Variants in PCDHGB7 observed in about 807,000 individuals in gnomAD.
The protein encoded by PCDHGB7 is protocadherin gamma subfamily B, 7.
PCDHGB7 carries 37 observed loss-of-function variants against 61.4 expected under a neutral mutation model. The observed-to-expected ratio is 0.60, with a 90% CI of 0.46 to 0.79. PCDHGB7 has a LOEUF of 0.79. PCDHGB7 is among the 30% of genes least tolerant of loss of function. PCDHGB7 has a pLI of 0.00. For synonymous variants in PCDHGB7, 464 were observed against 503.5 expected (o/e 0.92, Z 1.05); for missense variants, 1,166 against 1,202.5 (o/e 0.97, Z 0.45).
chr5:141,493,908 G>A lies in PCDHGB7; in HGVS notation c.2416-899G>A, dbSNP rs1308946115. ...CTAGGAGTGCTCCATGAGAGTGTGT[G>A]ATGGGATAACACACCCCCTGGAAAG... On this transcript the variant is annotated intron_variant, in intron 1 of 3. Transcript: ENST00000398594. This position sits in a 1 kb window ranked among gnomAD's most constrained non-coding sequence, Gnocchi z 4.3. Among the ~76,000 whole-genome samples the A allele has an allele frequency of 6.6e-6, 1 of 152,208 alleles. No homozygotes were observed. The highest frequency in any genetic ancestry group is 1.5e-5 in the Non-Finnish European group (1 of 68,032).
At position 141,485,685 on chromosome 5, in the gene PCDHGB7, G is replaced by A; in HGVS notation, c.2416-9122G>A. ...GGGAGCAATTCGATTAGCAGCTATA[G>A]GCTGAGCTCCAATGAACACTTTGCA... On this transcript the variant is annotated intron_variant, in intron 1 of 3. Coordinates refer to ENST00000398594, the MANE Select transcript of PCDHGB7 (RefSeq NM_018927.4). This position sits in a 1 kb window ranked among gnomAD's most constrained non-coding sequence, Gnocchi z 5.7. 1.2e-6 allele frequency: 2 copies of A among 1,614,052 alleles called. No homozygotes were observed. The highest frequency in any genetic ancestry group is 1.3e-5 in the African/African-American group (1 of 75,072).
intron 1 of PCDHGB7, among the ~76,000 whole-genome samples, chr5:141,457,975 C>T (rs2098934043): frequency 6.6e-6 from 1 of 152,202 alleles, no homozygotes; most frequent in South Asian, 2.1e-4. Context: ...AAGGGAAACA[C>T]ACCCTTTCAG....
rs752071139 is a variant in PCDHGB7 at position 141,422,722 on chromosome 5, G to A, written c.2415+2448G>A. ...CTCTCTGACGGATGACACTGTCCAG[G>A]GGGTGCCTCTGTCCTCCTATGTCTC... On this transcript the variant is annotated intron_variant, in intron 1 of 3. Coordinates refer to ENST00000398594, the MANE Select transcript of PCDHGB7 (RefSeq NM_018927.4). The A allele has an allele frequency of 2.4e-5, 39 of 1,605,774 alleles. No homozygotes were observed. In the South Asian group the frequency reaches 4.0e-4, roughly 17 times the overall value.
chr5:141,421,328 A>G (rs1355932974), intron 1 of PCDHGB7: 1 of 1,613,902 alleles, frequency 6.2e-7, no homozygotes. Flanking sequence ...CAGATCCGAT[A>G]TTCGGTGCCA....
rs781367282 is a variant in PCDHGB7 at position 141,485,525 on chromosome 5, C to G, written c.2416-9282C>G. On this transcript the variant is annotated intron_variant, in intron 1 of 3. Transcript: ENST00000398594. This position sits in a 1 kb window ranked among gnomAD's most constrained non-coding sequence, Gnocchi z 5.7. ...CACCGAAGGTCCTTTGGAAATGTAC[C>G]GAGCAGAGGTAGAGATCGTAGATGT... is the stretch of plus-strand genomic sequence containing the variant. 5 of 1,614,122 alleles carry G rather than the reference C, an allele frequency of 3.1e-6. No homozygotes were observed. The highest frequency in any genetic ancestry group is 2.5e-6 in the Non-Finnish European group (3 of 1,180,022).
intron 1 of PCDHGB7, among the ~76,000 whole-genome samples, chr5:141,458,557 G>A (rs1258900717): frequency 6.9e-6 from 1 of 143,954 alleles, no homozygotes; most frequent in Non-Finnish European, 1.5e-5. Context: ...TGTTTGTTTT[G>A]GTTTTGGGTT....
chr5:141,480,651 C>T (rs780138971), intron 1 of PCDHGB7, among the ~76,000 whole-genome samples: 1 of 152,174 alleles, frequency 6.6e-6, no homozygotes, highest in African/African-American at 2.4e-5. Flanking sequence ...CTTGGTTGCA[C>T]ATTAAAATCA....
At position 141,431,270 on chromosome 5, in the gene PCDHGB7, G is replaced by C. The variant is rs369177310; in HGVS notation, c.2415+10996G>C. 1.2e-5 allele frequency: 19 copies of C among 1,613,996 alleles called. No homozygotes were observed. Among genetic ancestry groups the C allele is most frequent in the Non-Finnish European group, 1.5e-5 (18 of 1,180,018 alleles). ...CGGGAAGAACTCTCTGCAGAGCTAC[G>C]AGCTCAGCCCGAACACTCACTTCTC... is the stretch of plus-strand genomic sequence containing the variant. On this transcript the variant is annotated intron_variant, in intron 1 of 3. Coordinates refer to ENST00000398594, the MANE Select transcript of PCDHGB7 (RefSeq NM_018927.4). This position sits in a 1 kb window ranked among gnomAD's most constrained non-coding sequence, Gnocchi z 4.8.
chr5:141,477,438 C>G lies in PCDHGB7; in HGVS notation c.2416-17369C>G. 6.2e-7 allele frequency: 1 copy of G among 1,614,174 alleles called. No homozygotes were observed. Among genetic ancestry groups the G allele is most frequent in the Non-Finnish European group, 8.5e-7 (1 of 1,180,030 alleles). On this transcript the variant is annotated intron_variant, in intron 1 of 3. Coordinates refer to ENST00000398594, the MANE Select transcript of PCDHGB7 (RefSeq NM_018927.4). The surrounding 1 kb of genome is among the most constrained non-coding windows in gnomAD (Gnocchi z 4.9). ...GGAACCCCTTCCCTCTCAGCCCTTACAATAGTGCGTGTTCAAGTGTCCGAC... is the reference window on the plus strand; with the variant it reads ...GGAACCCCTTCCCTCTCAGCCCTTAGAATAGTGCGTGTTCAAGTGTCCGAC...
intron 1 of PCDHGB7, among the ~76,000 whole-genome samples, chr5:141,438,591 C>CATATATAT (rs946798767): frequency 3.4e-4 from 26 of 75,528 alleles, no homozygotes; most frequent in Non-Finnish European, 5.4e-4. Flanking sequence ...TACATACATA[C>CATATATAT]ATATATATAT....
rs201006002 is a variant in PCDHGB7, at chr5:141,432,497, C to G, written c.2415+12223C>G. Reference sequence around the variant, plus strand: ...TTCCACTGGCGTGGAGCTGGCTCCCCGCTCCGCAGAGCCCGGCTACCTGGT... The same window carrying G: ...TTCCACTGGCGTGGAGCTGGCTCCCGGCTCCGCAGAGCCCGGCTACCTGGT... On this transcript the variant is annotated intron_variant, in intron 1 of 3. Transcript: ENST00000398594. This position sits in a 1 kb window ranked among gnomAD's most constrained non-coding sequence, Gnocchi z 6.0. The G allele has an allele frequency of 1.1e-5, 18 of 1,614,182 alleles. No homozygotes were observed. In the East Asian group the frequency reaches 4.0e-4, roughly 36 times the overall value.
intron 1 of PCDHGB7, among the ~76,000 whole-genome samples, chr5:141,473,366 A>T (rs1292258135): frequency 1.3e-5 from 2 of 152,202 alleles, no homozygotes; most frequent in Non-Finnish European, 2.9e-5. Context: ...GGCCACCAAA[A>T]TAGCATGGTC....
intron 1 of PCDHGB7, among the ~76,000 whole-genome samples, chr5:141,449,978 T>A (rs1025332419): frequency 6.6e-6 from 1 of 151,030 alleles, no homozygotes; most frequent in Non-Finnish European, 1.5e-5. Context: ...GTCCAAAATA[T>A]CACACATTGC....
At chr5:141,442,701 A>AG (rs1388473196) in intron 1 of PCDHGB7, among the ~76,000 whole-genome samples, 5 of 152,258 alleles carry the variant, frequency 3.3e-5, no homozygotes, top group Non-Finnish European at 7.3e-5. Flanking sequence ...AGACAAGAGT[A>AG]TCAGACATGC....
Position 141,485,281 on chromosome 5 carries a change from A to G in PCDHGB7, c.2416-9526A>G. 4 of 1,614,156 alleles carry G rather than the reference A, an allele frequency of 2.5e-6. No individual in the cohort carries two copies. In the South Asian group the frequency reaches 3.3e-5, roughly 13 times the overall value. Reference sequence around the variant, plus strand: ...GTGGGCAGATCCGCTACCCGGTCCCAGAGGAGTCACAGGAAGGGACTTTTG... The same window carrying G: ...GTGGGCAGATCCGCTACCCGGTCCCGGAGGAGTCACAGGAAGGGACTTTTG... On this transcript the variant is annotated intron_variant, in intron 1 of 3. Coordinates refer to ENST00000398594, the MANE Select transcript of PCDHGB7 (RefSeq NM_018927.4). The surrounding 1 kb of genome is among the most constrained non-coding windows in gnomAD (Gnocchi z 5.7).
chr5:141,497,540 CTTT>C (rs754207034), intron 2 of PCDHGB7, among the ~76,000 whole-genome samples: 11 of 134,886 alleles, frequency 8.2e-5, no homozygotes, highest in African/African-American at 1.9e-4. Context: ...TGCAACAAAC[CTTT>C]TTTTTTTTTT....
intron 2 of PCDHGB7, among the ~76,000 whole-genome samples, chr5:141,502,250 T>A (rs915754322): frequency 2.6e-5 from 4 of 152,242 alleles, no homozygotes; most frequent in East Asian, 3.8e-4. Context: ...TCCTTTTTTT[T>A]AATCCAGGAT....
At chr5:141,481,441 T>C (rs1397908285) in intron 1 of PCDHGB7, among the ~76,000 whole-genome samples, 1 of 152,250 alleles carries the variant, frequency 6.6e-6, no homozygotes, top group East Asian at 1.9e-4. Context: ...ATCAGTTTAG[T>C]ACATGTAAAT....
intron 1 of PCDHGB7, chr5:141,427,307 T>C (rs745903769): frequency 4.4e-6 from 2 of 456,906 alleles, no homozygotes; most frequent in South Asian, 1.5e-5. Flanking sequence ...AGAATGACAA[T>C]GCCCCAGACG....
Sources: gnomAD v4.1 joint callset for allele counts (sites outside exome capture counted in the v4.1 genomes callset) on GRCh38, gnomAD v4.1.1 for gene constraint, Gnocchi (gnomAD v3.1) non-coding constraint, MANE v1.5 for transcripts, NCBI Gene and HGNC (gene_info 2026-07-23, HGNC 2026-07-21) for gene names.